The following CDH23 variants were observed in gnomAD, a reference collection of about 807,000 sequenced individuals.
The protein encoded by CDH23 is cadherin-23.
Under a neutral mutation model 317.1 loss-of-function variants are expected in CDH23, and 189 were observed. That is an observed-to-expected ratio of 0.60 (90% CI 0.53 to 0.67). CDH23 has a LOEUF of 0.67. Ranked by LOEUF, CDH23 falls within the 30% of genes least tolerant of loss-of-function variation. CDH23 has a pLI of 0.00. For missense variants in CDH23, 4,401 were observed against 4,592.4 expected, an observed-to-expected ratio of 0.96 and a Z score of 1.20; for synonymous variants, 1,839 against 1,876.8, an observed-to-expected ratio of 0.98 and a Z score of 0.52.
intron 34 of CDH23, among the ~76,000 whole-genome samples, chr10:71,736,291 A>T (rs1021482655): frequency 6.6e-6 from 1 of 152,202 alleles, no homozygotes; most frequent in Admixed American, 6.5e-5. Flanking sequence ...GGTAGCCCCA[A>T]ACACTGTTTG....
intron 2 of CDH23, among the ~76,000 whole-genome samples, chr10:71,442,095 C>G (rs1273310000): frequency 6.6e-6 from 1 of 152,342 alleles, no homozygotes; most frequent in Admixed American, 6.5e-5. Context: ...TAAGTGTTGG[C>G]TCCTTTATTA....
At chr10:71,695,252 C>T (rs902555011) in intron 21 of CDH23, among the ~76,000 whole-genome samples, 166 bp from the exon 22 acceptor site, 1 of 152,262 alleles carries the variant, frequency 6.6e-6, no homozygotes, top group African/African-American at 2.4e-5. Context: ...CTGGCTCCTT[C>T]CTGCCCTCGA....
At chr10:71,712,416 G>A in intron 27 of CDH23, 1 of 464,420 alleles carries the variant, frequency 2.2e-6, no homozygotes, top group Admixed American at 3.5e-5. Context: ...ACAGTAAAGT[G>A]TCTGCTTCAT....
At chr10:71,547,637 C>T (rs1224774233) in intron 6 of CDH23, among the ~76,000 whole-genome samples, 1 of 152,186 alleles carries the variant, frequency 6.6e-6, no homozygotes, top group Non-Finnish European at 1.5e-5. Flanking sequence ...GTGAGCCGGT[C>T]CCCGCAGGGG....
At chr10:71,652,583 G>T (rs1346820869) in intron 14 of CDH23, among the ~76,000 whole-genome samples, 1 of 152,236 alleles carries the variant, frequency 6.6e-6, no homozygotes, top group African/African-American at 2.4e-5. Flanking sequence ...AAGACACCGG[G>T]CCTCAGTTTC....
intron 22 of CDH23, among the ~76,000 whole-genome samples, chr10:71,701,813 C>G: frequency 6.6e-6 from 1 of 152,184 alleles, no homozygotes; most frequent in East Asian, 1.9e-4. Flanking sequence ...ACAGACTCCC[C>G]AGCCATTCCC....
intron 11 of CDH23, among the ~76,000 whole-genome samples, chr10:71,635,663 G>A (rs1862234109): frequency 1.3e-5 from 2 of 151,650 alleles, no homozygotes; most frequent in Admixed American, 1.3e-4. Context: ...TGGAGAGGGA[G>A]AGATTGGAAA....
At chr10:71,752,565 C>A (rs1400482506) in intron 38 of CDH23, among the ~76,000 whole-genome samples, 1 of 152,220 alleles carries the variant, frequency 6.6e-6, no homozygotes, top group African/African-American at 2.4e-5. Flanking sequence ...CCCTCAGCCT[C>A]TGCCCTTGTG....
chr10:71,432,667 C>G (rs951047803), intron 1 of CDH23, among the ~76,000 whole-genome samples: 1 of 152,180 alleles, frequency 6.6e-6, no homozygotes, highest in Non-Finnish European at 1.5e-5. Context: ...TGGGTTTTAG[C>G]CCATTCTGCT....
At chr10:71,760,038 C>CATATATATACACACACAT (rs796179515) in intron 38 of CDH23, among the ~76,000 whole-genome samples, 27 of 22,866 alleles carry the variant, frequency 1.2e-3, no homozygotes, top group Non-Finnish European at 3.8e-3. Context: ...CACACACACA[C>CATATATATACACACACAT]ATATATACAC....
chr10:71,532,430 C>A (rs991748504), intron 6 of CDH23, among the ~76,000 whole-genome samples: 4 of 152,200 alleles, frequency 2.6e-5, no homozygotes, highest in Admixed American at 6.6e-5. Context: ...TTTAGGAGCA[C>A]TGAGCGTCAG....
At chr10:71,494,523 T>C (rs558025315) in intron 3 of CDH23, among the ~76,000 whole-genome samples, 6 of 152,310 alleles carry the variant, frequency 3.9e-5, no homozygotes, top group Middle Eastern at 3.4e-3. Flanking sequence ...GTCTCCTCAT[T>C]GGAGTGCGGG....
chr10:71,551,901 G>A (rs1856617770), intron 6 of CDH23, among the ~76,000 whole-genome samples: 1 of 152,178 alleles, frequency 6.6e-6, no homozygotes, highest in Admixed American at 6.5e-5. Flanking sequence ...AGCCTTTAGA[G>A]CTCTCAGGAC....
chr10:71,526,663 C>T (rs1855056008), intron 6 of CDH23, among the ~76,000 whole-genome samples: 1 of 152,204 alleles, frequency 6.6e-6, no homozygotes, highest in Non-Finnish European at 1.5e-5. Flanking sequence ...TTTCCTTGAA[C>T]CTCTAAACCC....
chr10:71,728,192 C>G (rs1224145652), intron 30 of CDH23, among the ~76,000 whole-genome samples: 1 of 152,100 alleles, frequency 6.6e-6, no homozygotes, highest in Non-Finnish European at 1.5e-5. Flanking sequence ...TGCAAACTCC[C>G]CCCCGCACCC....
rs1234861512 is a variant in CDH23 at position 71,566,953 on chromosome 10, G to A, written c.624+17G>A. ...AACGCCACAGTGAGTCTCCATGCTG[G>A]GGCCCCGGCCGTCCCAGCTGCCTCT... On this transcript the variant is annotated intron_variant, in intron 7 of 69. Transcript: ENST00000224721. The A allele has an allele frequency of 2.0e-5, 32 of 1,606,912 alleles. No individual in the cohort carries two copies. The highest frequency in any genetic ancestry group is 2.5e-5 in the Non-Finnish European group (29 of 1,178,480).
intron 53 of CDH23, among the ~76,000 whole-genome samples, chr10:71,802,679 G>T (rs577495678): frequency 6.6e-6 from 1 of 152,178 alleles, no homozygotes; most frequent in African/African-American, 2.4e-5. Context: ...CTTGAGCCAC[G>T]CACTGTGCCA....
chr10:71,435,557 C>T (rs1849578489), intron 1 of CDH23, among the ~76,000 whole-genome samples: 1 of 152,192 alleles, frequency 6.6e-6, no homozygotes, highest in Non-Finnish European at 1.5e-5. Flanking sequence ...GATTTGGGGG[C>T]AGCTGGCTGT....
chr10:71,639,911 G>A (rs1352093200), intron 11 of CDH23, among the ~76,000 whole-genome samples: 1 of 152,170 alleles, frequency 6.6e-6, no homozygotes, highest in Non-Finnish European at 1.5e-5. Flanking sequence ...TTGGCCAGCT[G>A]GTAAAGTCCT....
Sources: gnomAD v4.1 joint callset for allele counts (sites outside exome capture counted in the v4.1 genomes callset) on GRCh38, gnomAD v4.1.1 for gene constraint, MANE v1.5 for transcripts, NCBI Gene and HGNC (gene_info 2026-07-23, HGNC 2026-07-21) for gene names.